Variants in FGD5 observed in about 807,000 individuals in gnomAD.
FGD5 encodes FYVE, RhoGEF and PH domain containing 5.
In FGD5, 28 loss-of-function variants were observed where a neutral mutation model predicts 133.4. That is an observed-to-expected ratio of 0.21 (90% CI 0.16 to 0.29). FGD5 has a LOEUF of 0.29. Among genes scored for constraint, FGD5 ranks in the 10% least tolerant of loss-of-function variants. The pLI, the probability that FGD5 is intolerant of heterozygous loss-of-function variation, is 1.00. For missense variants in FGD5, 1,858 were observed against 1,895.2 expected (o/e 0.98, Z 0.36); for synonymous variants, 810 against 776.5 (o/e 1.04, Z -0.72).
At chr3:14,897,371 G>A in intron 4 of FGD5, 138 bp from the exon 5 acceptor site, 1 of 967,784 alleles carries the variant, frequency 1.0e-6, no homozygotes, top group Non-Finnish European at 1.5e-6. Flanking sequence ...TGAGACTGTT[G>A]GGTCTGGAGA....
chr3:14,927,199 T>C (rs1318268981), intron 18 of FGD5, among the ~76,000 whole-genome samples: 2 of 152,220 alleles, frequency 1.3e-5, no homozygotes, highest in Non-Finnish European at 2.9e-5. Context: ...GGGTACCCGG[T>C]AAGCTGCACC....
At chr3:14,918,718 GC>G in intron 12 of FGD5, 35 bp from the exon 13 acceptor site, 1 of 1,602,104 alleles carries the variant, frequency 6.2e-7, no homozygotes, top group African/African-American at 1.3e-5. Flanking sequence ...GCCCCTCCCT[GC>G]CCCACCCTGA....
intron 1 of FGD5, among the ~76,000 whole-genome samples, chr3:14,843,415 T>C (rs2036962642): frequency 6.6e-6 from 1 of 152,168 alleles, no homozygotes; most frequent in African/African-American, 2.4e-5. Context: ...CTCTTAGCCC[T>C]GAAATCAGGG....
At chr3:14,853,400 T>G (rs1214105358) in intron 1 of FGD5, among the ~76,000 whole-genome samples, 2 of 152,034 alleles carry the variant, frequency 1.3e-5, no homozygotes, top group Non-Finnish European at 2.9e-5. Flanking sequence ...GGATACTCAT[T>G]CTCACCAGCC....
Position 14,820,354 on chromosome 3 carries a change from A to G in FGD5, c.1283A>G (p.Asn428Ser), listed in dbSNP as rs1464439447. Residue 428 changes from asparagine (N) to serine (S), a missense_variant, in exon 1 of 20, where the codon AAC becomes AGC. Asn to Ser is a conservative substitution (Grantham distance 46). Coordinates refer to ENST00000285046, the MANE Select transcript of FGD5 (RefSeq NM_152536.4). ...EEEALDDALA[N>S]PYVMGVGLPG... ...GAGGCCTTGGATGATGCACTGGCCA[A>G]CCCCTATGTGATGGGAGTGGGCCTG... The G allele has an allele frequency of 1.2e-6, 2 of 1,613,082 alleles. No individual in the cohort carries two copies. The highest frequency in any genetic ancestry group is 2.2e-5 in the East Asian group (1 of 44,870).
intron 1 of FGD5, among the ~76,000 whole-genome samples, chr3:14,841,522 C>T (rs942131988): frequency 6.7e-6 from 1 of 148,294 alleles, no homozygotes; most frequent in Non-Finnish European, 1.5e-5. Context: ...GAATGGATTA[C>T]TGGAGAGAGG....
chr3:14,845,809 A>T (rs556050309), intron 1 of FGD5, among the ~76,000 whole-genome samples: 1 of 152,252 alleles, frequency 6.6e-6, no homozygotes, highest in Non-Finnish European at 1.5e-5. Flanking sequence ...CTTTATGTTC[A>T]GACCCTGGGA....
intron 11 of FGD5, among the ~76,000 whole-genome samples, chr3:14,911,445 G>C (rs1452359257): frequency 6.6e-6 from 1 of 152,058 alleles, no homozygotes; most frequent in African/African-American, 2.4e-5. Flanking sequence ...CCAATCCTGA[G>C]ACCTCCAAGT....
Position 14,864,159 on chromosome 3 carries a change from A to T in FGD5, c.2557A>T (p.Ile853Phe), listed in dbSNP as rs955626226. ...CACAGAGCCCTACAAAGTCTGTCCC[A>T]TCTCGTCGGCAGCCCCCAAAGAGGA... is the stretch of plus-strand genomic sequence containing the variant. Reference protein sequence around the residue: ...AYTEPYKVCPISSAAPKEDLT... With the variant: ...AYTEPYKVCPFSSAAPKEDLT... Residue 853 changes from isoleucine (I) to phenylalanine (F), a missense_variant, in exon 2 of 20, where the codon ATC becomes TTC. Transcript: ENST00000285046. 1.6e-5 allele frequency: 26 copies of T among 1,613,940 alleles called. No individual in the cohort carries two copies. The highest frequency in any genetic ancestry group is 2.1e-5 in the Non-Finnish European group (25 of 1,179,828).
At chr3:14,860,159 G>A (rs1559483296) in intron 1 of FGD5, among the ~76,000 whole-genome samples, 1 of 152,146 alleles carries the variant, frequency 6.6e-6, no homozygotes, top group Non-Finnish European at 1.5e-5. Flanking sequence ...TTTTGGCAGG[G>A]GATGAGGCCC....
chr3:14,876,179 G>A (rs2037715981), intron 2 of FGD5, among the ~76,000 whole-genome samples: 2 of 152,172 alleles, frequency 1.3e-5, no homozygotes, highest in Admixed American at 1.3e-4. Flanking sequence ...TGAGGGACAG[G>A]CCAAAAGGCC....
At chr3:14,916,239 G>C (rs969892592) in intron 11 of FGD5, among the ~76,000 whole-genome samples, 3 of 152,214 alleles carry the variant, frequency 2.0e-5, no homozygotes, top group African/African-American at 4.8e-5. Flanking sequence ...CTGAGACTCA[G>C]CTGAGGAAAG....
intron 13 of FGD5, among the ~76,000 whole-genome samples, chr3:14,919,664 T>G (rs531557650): frequency 2.6e-4 from 39 of 152,244 alleles, no homozygotes; most frequent in African/African-American, 8.9e-4. Context: ...ACTGAGTGAC[T>G]TATAAACAAC....
At position 14,821,093 on chromosome 3, in the gene FGD5, C is replaced by T. The variant is rs113402740; in HGVS notation, c.2022C>T (p.Asn674=). 1,423 of 1,613,980 alleles carry T rather than the reference C, an allele frequency of 8.8e-4. 6 individuals carry two copies. The Middle Eastern group carries it at 0.012, about 14-fold the overall frequency. The change falls in exon 1 of 20, where the codon AAC becomes AAT. Residue 674 remains asparagine, a synonymous_variant. Transcript: ENST00000285046. ...AGAACAAATTGCATGTGGATGTGAA[C>T]GTGTCTTCCTCTAGGTCCTCTTCAG... ...KTENKLHVDV[N]VSSSRSSSES...
intron 13 of FGD5, among the ~76,000 whole-genome samples, chr3:14,919,268 G>A (rs147700141): frequency 8.5e-5 from 13 of 152,264 alleles, no homozygotes; most frequent in African/African-American, 1.4e-4. Flanking sequence ...ATAAGTGAGC[G>A]TTCATCACTT....
intron 1 of FGD5, among the ~76,000 whole-genome samples, chr3:14,854,095 C>T (rs2037223669): frequency 6.6e-6 from 1 of 152,092 alleles, no homozygotes; most frequent in Non-Finnish European, 1.5e-5. Context: ...CACCGTGAAC[C>T]TCCATAGTTA....
At chr3:14,842,598 C>G (rs1022332629) in intron 1 of FGD5, among the ~76,000 whole-genome samples, 1 of 152,216 alleles carries the variant, frequency 6.6e-6, no homozygotes, top group Non-Finnish European at 1.5e-5. Flanking sequence ...GGCACACCCT[C>G]TCCCGGAAGA....
intron 1 of FGD5, among the ~76,000 whole-genome samples, chr3:14,858,382 G>GATGA: frequency 6.6e-6 from 1 of 151,974 alleles, no homozygotes; most frequent in Non-Finnish European, 1.5e-5. Flanking sequence ...TGGATGGATG[G>GATGA]ATGGATGGAT....
In FGD5 at chr3:14,819,837, AAGG is replaced by A. The variant is rs767118060; in HGVS notation, c.772_774del (p.Glu258del). The stretch of plus-strand genomic sequence containing the variant: ...GGACACCAGTGAGGAGCCCCCTGAG[AAGG>A]AGGAGCTGGCCGGGGTCCAGGAGGC... On this transcript the variant is annotated inframe_deletion, in exon 1 of 20. Coordinates refer to ENST00000285046, the MANE Select transcript of FGD5 (RefSeq NM_152536.4). The surrounding 1 kb of genome is among the most constrained non-coding windows in gnomAD (Gnocchi z 4.1). 10 of 1,607,914 alleles carry A rather than the reference AAGG, an allele frequency of 6.2e-6. No homozygotes were observed. In the South Asian group the frequency reaches 1.1e-4, roughly 18 times the overall value.
Sources: gnomAD v4.1 joint callset for allele counts (sites outside exome capture counted in the v4.1 genomes callset) on GRCh38, gnomAD v4.1.1 for gene constraint, Gnocchi (gnomAD v3.1) non-coding constraint, MANE v1.5 for transcripts, NCBI Gene and HGNC (gene_info 2026-07-23, HGNC 2026-07-21) for gene names.